The following ZNF93 variants were observed in gnomAD, a reference collection of about 807,000 sequenced individuals.
ZNF93 encodes zinc finger protein 505.
In ZNF93, 29 loss-of-function variants were observed where a neutral mutation model predicts 45.0. The ratio of observed to expected loss-of-function variants is 0.64; its 90% CI spans 0.48 to 0.88. The LOEUF (loss-of-function observed/expected upper bound fraction) is 0.88, where lower values mean the gene tolerates loss of function less well. Among genes scored for constraint, ZNF93 ranks in the 40% least tolerant of loss-of-function variants. The pLI, the probability that ZNF93 is intolerant of heterozygous loss-of-function variation, is 0.00. For missense variants in ZNF93, 578 were observed against 724.0 expected (o/e 0.80, Z 2.31); for synonymous variants, 223 against 244.6 (o/e 0.91, Z 0.82).
chr19:19,925,070 T>A (rs538136465), intron 3 of ZNF93, among the ~76,000 whole-genome samples: 1 of 152,340 alleles, frequency 6.6e-6, no homozygotes, highest in East Asian at 1.9e-4. Context: ...TCTCCCAGAC[T>A]GTGGCTGGGA....
chr19:19,912,186 G>T (rs2063310595), intron 1 of ZNF93, among the ~76,000 whole-genome samples: 1 of 152,148 alleles, frequency 6.6e-6, no homozygotes, highest in Non-Finnish European at 1.5e-5. Flanking sequence ...GACTAGAAAA[G>T]ATAAAAACTA....
intron 1 of ZNF93, chr19:19,914,674 T>C (rs1017448741): frequency 4.2e-6 from 1 of 237,196 alleles, no homozygotes; most frequent in African/African-American, 2.4e-5. Context: ...GTTGTCCTTT[T>C]TTCTTTTTTT....
chr19:19,907,486 C>A (rs1271023640), intron 1 of ZNF93, among the ~76,000 whole-genome samples: 1 of 151,848 alleles, frequency 6.6e-6, no homozygotes, highest in Non-Finnish European at 1.5e-5. Flanking sequence ...GAACAATTAG[C>A]ATAGTTATGT....
intron 3 of ZNF93, 24 bp downstream of exon 3, chr19:19,916,679 C>T (rs747329072): frequency 3.9e-6 from 6 of 1,554,056 alleles, no homozygotes; most frequent in South Asian, 1.2e-5. Context: ...AAAATGAATA[C>T]AACAGACAAC....
At position 19,934,355 on chromosome 19, in the gene ZNF93, C is replaced by T. The variant is rs748693496; in HGVS notation, c.1400C>T (p.Ser467Phe). ...ECGKAFNQSS[S>F]LTKHKKIHTG... is the part of the protein sequence containing the mutation. Reference sequence around the variant, plus strand: ...GGCAAAGCTTTTAACCAGTCCTCATCCCTTACTAAACATAAGAAAATTCAT... The same window carrying T: ...GGCAAAGCTTTTAACCAGTCCTCATTCCTTACTAAACATAAGAAAATTCAT... Residue 467 changes from serine to phenylalanine, a missense_variant, in exon 4 of 4, where the codon TCC (serine) becomes TTC (phenylalanine). Physicochemically the swap from Ser to Phe is radical, Grantham distance 155. This residue lies in a region of ZNF93 where 446 missense variants were observed against 547.6 expected (regional missense o/e 0.81). Coordinates refer to ENST00000343769, the MANE Select transcript of ZNF93 (RefSeq NM_031218.4). 1 of 1,613,138 alleles carries T rather than the reference C, an allele frequency of 6.2e-7. No homozygotes were observed. The highest frequency in any genetic ancestry group is 1.1e-5 in the South Asian group (1 of 91,042).
In ZNF93 at chr19:19,933,517, CT is replaced by C. The variant is rs1474771969; in HGVS notation, c.564del (p.Ile189Ter). On this transcript the variant is annotated frameshift_variant, in exon 4 of 4. Coordinates refer to ENST00000343769, the MANE Select transcript of ZNF93 (RefSeq NM_031218.4). LOFTEE classifies it high-confidence loss of function. ...CGKAFNQFST[L>X]ITHKKIHTGE... ...CAAAGCTTTTAACCAGTTCTCAACC[CT>C]TATAACACATAAGAAAATTCATACT... 6 of 1,607,296 alleles carry C rather than the reference CT, an allele frequency of 3.7e-6. No individual in the cohort carries two copies. In the African/African-American group the frequency reaches 8.1e-5, roughly 22 times the overall value.
chr19:19,902,980 C>T (rs2063279836), intron 1 of ZNF93, among the ~76,000 whole-genome samples: 2 of 152,018 alleles, frequency 1.3e-5, no homozygotes, highest in South Asian at 4.2e-4. Flanking sequence ...ACCTCATGGT[C>T]CACCCGCCTC....
At chr19:19,927,312 T>G (rs2063359267) in intron 3 of ZNF93, 1 of 397,704 alleles carries the variant, frequency 2.5e-6, no homozygotes. Flanking sequence ...GAGTCAAAAT[T>G]GTGCCACTAC....
rs188220089 is a variant in ZNF93, at chr19:19,933,972, A to G, written c.1017A>G (p.Lys339=). The G allele has an allele frequency of 1.4e-5, 23 of 1,612,496 alleles. No individual in the cohort carries two copies. In the Admixed American group the frequency reaches 3.8e-4, roughly 27 times the overall value. The change falls in exon 4 of 4, where the codon AAA becomes AAG. Residue 339 remains lysine (K), a synonymous_variant. Transcript: ENST00000343769. ...TTHKRIHTGE[K]PYKCNKCGKA... Reference sequence around the variant, plus strand: ...ATAAGAGAATTCATACTGGAGAGAAACCATACAAGTGTAATAAATGTGGCA... The same window carrying G: ...ATAAGAGAATTCATACTGGAGAGAAGCCATACAAGTGTAATAAATGTGGCA...
intron 3 of ZNF93, chr19:19,932,570 A>C (rs986561797): frequency 6.6e-6 from 1 of 152,176 alleles, no homozygotes; most frequent in Non-Finnish European, 1.5e-5. Context: ...TTTTGTGTCT[A>C]CTGAATGATT....
chr19:19,932,777 C>T (rs2063378696), intron 3 of ZNF93: 2 of 153,302 alleles, frequency 1.3e-5, no homozygotes, highest in Admixed American at 6.5e-5. Context: ...TTGCCTGTAA[C>T]ATTGTTCCTG....
intron 3 of ZNF93, among the ~76,000 whole-genome samples, chr19:19,928,975 T>C (rs2063364156): frequency 6.6e-6 from 1 of 152,170 alleles, no homozygotes; most frequent in African/African-American, 2.4e-5. Flanking sequence ...GTTGTCCAAA[T>C]CTCATGCTGC....
chr19:19,909,669 CTAT>C (rs1162705819), intron 1 of ZNF93: 1 of 152,086 alleles, frequency 6.6e-6, no homozygotes, highest in African/African-American at 2.4e-5. Context: ...TCTTTCTGTT[CTAT>C]TATTGTGGAG....
chr19:19,912,183 A>G (rs1014521386), intron 1 of ZNF93, among the ~76,000 whole-genome samples: 1 of 152,210 alleles, frequency 6.6e-6, no homozygotes, highest in Non-Finnish European at 1.5e-5. Flanking sequence ...AGTGACTAGA[A>G]AAGATAAAAA....
chr19:19,920,495 A>G (rs933336982), intron 3 of ZNF93, among the ~76,000 whole-genome samples: 6 of 152,030 alleles, frequency 3.9e-5, no homozygotes, highest in Admixed American at 1.3e-4. Flanking sequence ...CTCTTTTTCT[A>G]TTGATTGGGA....
At chr19:19,915,841 C>G (rs946414980) in intron 2 of ZNF93, among the ~76,000 whole-genome samples, 8 of 151,936 alleles carry the variant, frequency 5.3e-5, no homozygotes, top group African/African-American at 1.9e-4. Flanking sequence ...GATTACTTCT[C>G]GAGAAAAAAA....
chr19:19,914,644 CCAT>C lies in ZNF93; in HGVS notation c.4-633_4-631del, dbSNP rs2063318365. ...TCCTTATCCAGCGGATTTGCATAAACCATCACATTTAATCTGTCAGTTGTCCTT... is the reference window on the plus strand; with the variant it reads ...TCCTTATCCAGCGGATTTGCATAAACCACATTTAATCTGTCAGTTGTCCTT... On this transcript the variant is annotated intron_variant, in intron 1 of 3. Coordinates refer to ENST00000343769, the MANE Select transcript of ZNF93 (RefSeq NM_031218.4). 6 of 201,342 alleles carry C rather than the reference CCAT, an allele frequency of 3.0e-5. No individual in the cohort carries two copies. In the Admixed American group the frequency reaches 3.0e-4, roughly 10 times the overall value. 12.5% of individuals were successfully genotyped at this position (201,342 alleles called of 1,614,324 possible).
At chr19:19,920,069 A>G (rs567579646) in intron 3 of ZNF93, among the ~76,000 whole-genome samples, 1 of 152,274 alleles carries the variant, frequency 6.6e-6, no homozygotes, top group South Asian at 2.1e-4. Context: ...CCCATTCAGT[A>G]TGATATTGGC....
At chr19:19,916,368 G>A (rs1165901497) in intron 2 of ZNF93, among the ~76,000 whole-genome samples, 192 bp from the exon 3 acceptor site, 1 of 152,120 alleles carries the variant, frequency 6.6e-6, no homozygotes, top group Non-Finnish European at 1.5e-5. Flanking sequence ...AAATTGCTGG[G>A]ATCACAGGCG....
Sources: gnomAD v4.1 joint callset for allele counts (sites outside exome capture counted in the v4.1 genomes callset) on GRCh38, gnomAD v4.1.1 for gene constraint, gnomAD v4.1.1 regional missense constraint, MANE v1.5 for transcripts, NCBI Gene and HGNC (gene_info 2026-07-23, HGNC 2026-07-21) for gene names.